ATP2B2: variants seen among roughly 807,000 people sequenced by gnomAD.
ATP2B2 encodes the protein ATPase plasma membrane Ca2+ transporting 2.
Under a neutral mutation model 120.0 loss-of-function variants are expected in ATP2B2, and 15 were observed. That is an observed-to-expected ratio of 0.12 (90% CI 0.08 to 0.19). The LOEUF is 0.19. Ranked by LOEUF, ATP2B2 falls within the 10% of genes least tolerant of loss-of-function variation. The pLI is 1.00. For missense variants in ATP2B2, 1,045 were observed against 1,719.8 expected (o/e 0.61, Z 6.94); for synonymous variants, 694 against 700.3 (o/e 0.99, Z 0.14).
At chr3:10,379,599 A>C (rs2061475270) in intron 8 of ATP2B2, among the ~76,000 whole-genome samples, 1 of 152,192 alleles carries the variant, frequency 6.6e-6, no homozygotes, top group Non-Finnish European at 1.5e-5. Flanking sequence ...GCAGGGGATT[A>C]GAGTCTGCTG....
chr3:10,692,905 C>G (rs1171931176), intron 1 of ATP2B2, among the ~76,000 whole-genome samples: 4 of 152,126 alleles, frequency 2.6e-5, no homozygotes, highest in Non-Finnish European at 5.9e-5. Context: ...GGGTGGGTGA[C>G]TGGGCCTTAC....
Position 10,324,306 on chromosome 3 carries a change from G to T in ATP2B2, c.*4508C>A. On this transcript the variant is annotated 3_prime_UTR_variant, in exon 23 of 23. Coordinates refer to ENST00000360273, the MANE Select transcript of ATP2B2 (RefSeq NM_001001331.4). ...CCCGAGAGGAAAGGTCCAGGAGGGAGAGCACCACAGGCATTACAAAACAGA... is the reference window on the plus strand; with the variant it reads ...CCCGAGAGGAAAGGTCCAGGAGGGATAGCACCACAGGCATTACAAAACAGA... The T allele has an allele frequency of 6.6e-6, 1 of 152,106 alleles. No individual in the cohort carries two copies. 9.4% of individuals were successfully genotyped at this position (152,106 alleles called of 1,614,324 possible). A position where few individuals can be genotyped will look rare whatever the true frequency, so the allele number is the denominator to read the frequency against.
chr3:10,661,200 C>A (rs926063094), intron 1 of ATP2B2, among the ~76,000 whole-genome samples: 1 of 151,976 alleles, frequency 6.6e-6, no homozygotes, highest in African/African-American at 2.4e-5. Context: ...GACAAGGATG[C>A]CCTCTCTCAC....
chr3:10,573,464 C>A (rs1262013748), intron 2 of ATP2B2, among the ~76,000 whole-genome samples: 1 of 152,180 alleles, frequency 6.6e-6, no homozygotes, highest in Non-Finnish European at 1.5e-5. Flanking sequence ...CATGCTCAGT[C>A]TCTTCCCTAG....
At chr3:10,427,929 C>G (rs989716011) in intron 2 of ATP2B2, among the ~76,000 whole-genome samples, 1 of 152,198 alleles carries the variant, frequency 6.6e-6, no homozygotes, top group Non-Finnish European at 1.5e-5. Context: ...AGCGTTCTGC[C>G]TCATTTCTAT....
intron 1 of ATP2B2, among the ~76,000 whole-genome samples, chr3:10,625,160 T>C (rs76197440): frequency 0.024 from 3,600 of 152,318 alleles, 118 homozygotes; most frequent in African/African-American, 0.079. Flanking sequence ...ACACAAGGTC[T>C]CTGGCTGCAC....
chr3:10,343,080 G>GC lies in ATP2B2; in HGVS notation c.2704-116dup. On this transcript the variant is annotated intron_variant, in intron 18 of 22. Coordinates refer to ENST00000360273, the MANE Select transcript of ATP2B2 (RefSeq NM_001001331.4). This position sits in a 1 kb window ranked among gnomAD's most constrained non-coding sequence, Gnocchi z 4.2. ...CCTGCTGGAGGCTGGAGTCCGACCTGCCCCTTGGCTCCCCAGCAGGCATGG... is the reference window on the plus strand; with the variant it reads ...CCTGCTGGAGGCTGGAGTCCGACCTGCCCCCTTGGCTCCCCAGCAGGCATGG... The GC allele has an allele frequency of 9.4e-7, 1 of 1,060,184 alleles. No homozygotes were observed. The highest frequency in any genetic ancestry group is 1.4e-6 in the Non-Finnish European group (1 of 713,260). 65.7% of individuals were successfully genotyped at this position (1,060,184 alleles called of 1,614,324 possible).
chr3:10,512,464 GCACACACACACACACACACACA>G (rs6147706), intron 3 of ATP2B2, among the ~76,000 whole-genome samples: 5 of 137,026 alleles, frequency 3.6e-5, no homozygotes, highest in Non-Finnish European at 7.8e-5. Flanking sequence ...AAGTGTGTGC[GCACACACACACACACACACACA>G]CACACACACA....
chr3:10,449,050 C>T (rs1010894611), intron 2 of ATP2B2, among the ~76,000 whole-genome samples: 5 of 152,180 alleles, frequency 3.3e-5, no homozygotes, highest in South Asian at 2.1e-4. Flanking sequence ...ATGTTGAACT[C>T]GCCACTCTGC....
chr3:10,521,854 C>G (rs1384077347), intron 3 of ATP2B2, among the ~76,000 whole-genome samples: 4 of 152,226 alleles, frequency 2.6e-5, no homozygotes, highest in African/African-American at 2.4e-5. Flanking sequence ...TACATCATCT[C>G]TAACTCTTAC....
At chr3:10,579,358 C>T (rs2068330028) in intron 2 of ATP2B2, among the ~76,000 whole-genome samples, 1 of 152,194 alleles carries the variant, frequency 6.6e-6, no homozygotes, top group Non-Finnish European at 1.5e-5. Flanking sequence ...GGGGTCTGTG[C>T]AGCTGCCCTT....
rs1235917118 is a variant in ATP2B2 at position 10,486,322 on chromosome 3, TGC to T, written c.-320+19141_-320+19142del. ...CAAACAGCAGCCAGGTGTGTGTGCGTGCGTGTGTGTGTGTGTGTGTGTGTGTG... is the reference window on the plus strand; with the variant it reads ...CAAACAGCAGCCAGGTGTGTGTGCGTGTGTGTGTGTGTGTGTGTGTGTGTG... On this transcript the variant is annotated intron_variant, in intron 1 of 22. Coordinates refer to ENST00000360273, the MANE Select transcript of ATP2B2 (RefSeq NM_001001331.4). 2.0e-3 allele frequency among the ~76,000 whole-genome samples: 37 copies of T among 18,152 alleles called. No individual in the cohort carries two copies. The East Asian group carries it at 0.041, about 20-fold the overall frequency. 11.9% of individuals were successfully genotyped at this position (18,152 alleles called of 152,430 possible). A position where few individuals can be genotyped will look rare whatever the true frequency, so the allele number is the denominator to read the frequency against.
intron 1 of ATP2B2, among the ~76,000 whole-genome samples, chr3:10,677,810 T>G (rs1425826256): frequency 2.0e-5 from 3 of 149,952 alleles, no homozygotes; most frequent in Admixed American, 6.8e-5. Context: ...TAGGATCCTG[T>G]TTTTTATCAA....
intron 1 of ATP2B2, among the ~76,000 whole-genome samples, chr3:10,624,323 T>G (rs2069633133): frequency 1.3e-5 from 2 of 152,210 alleles, no homozygotes; most frequent in South Asian, 2.1e-4. Flanking sequence ...TTCCAAAATG[T>G]CTTTCCTTTA....
intron 2 of ATP2B2, among the ~76,000 whole-genome samples, chr3:10,544,251 A>T (rs56271852): frequency 0.018 from 2,696 of 152,274 alleles, 45 homozygotes; most frequent in Admixed American, 0.038. Context: ...CATCATTACC[A>T]TCGGTGCAAA....
intron 1 of ATP2B2, among the ~76,000 whole-genome samples, chr3:10,464,592 G>A (rs1559370200): frequency 6.6e-6 from 1 of 152,146 alleles, no homozygotes. Flanking sequence ...CCCTAGATCT[G>A]CAACCCCCAG....
intron 1 of ATP2B2, among the ~76,000 whole-genome samples, chr3:10,686,043 CTTTTTTT>C (rs34073958): frequency 2.1e-5 from 2 of 93,224 alleles, no homozygotes; most frequent in African/African-American, 8.3e-5. Context: ...TTCCTCCTTT[CTTTTTTT>C]TTTTTTTTTT....
At chr3:10,604,693 A>C (rs1234346475) in intron 2 of ATP2B2, among the ~76,000 whole-genome samples, 2 of 152,188 alleles carry the variant, frequency 1.3e-5, no homozygotes, top group East Asian at 3.8e-4. Flanking sequence ...TCTCTGGAAA[A>C]CTTGGAAGAC....
At chr3:10,487,624 C>G (rs968596814) in intron 1 of ATP2B2, among the ~76,000 whole-genome samples, 1 of 152,164 alleles carries the variant, frequency 6.6e-6, no homozygotes, top group Non-Finnish European at 1.5e-5. Flanking sequence ...GTCCCCAGTG[C>G]CCTCAGCTCA....
Sources: allele counts gnomAD v4.1 joint callset (sites outside exome capture counted in the v4.1 genomes callset), GRCh38; gene constraint gnomAD v4.1.1; non-coding constraint Gnocchi (gnomAD v3.1); transcripts MANE v1.5; gene names NCBI Gene and HGNC (gene_info 2026-07-23, HGNC 2026-07-21).